Variants in TRMT11 observed in about 807,000 individuals in gnomAD.
The protein encoded by TRMT11 is tRNA (guanine(10)-N(2))-methyltransferase TRMT11.
TRMT11 carries 53 observed loss-of-function variants against 62.8 expected under a neutral mutation model. That is an observed-to-expected ratio of 0.84 (90% confidence interval 0.68 to 1.06). The LOEUF (loss-of-function observed/expected upper bound fraction) is 1.06. Ranked by LOEUF, TRMT11 falls within the 50% of genes least tolerant of loss-of-function variation. The probability of loss-of-function intolerance (pLI) is 0.00; values close to 1 mark genes in which losing one functional copy is unlikely to be tolerated. For synonymous variants in TRMT11, 188 were observed against 190.3 expected (o/e 0.99, Z 0.10); for missense variants, 556 against 553.4 (o/e 1.00, Z -0.05).
At chr6:126,048,195 T>C (rs1453372085) in intron 16 of TRMT11, among the ~76,000 whole-genome samples, 1 of 152,228 alleles carries the variant, frequency 6.6e-6, no homozygotes, top group Non-Finnish European at 1.5e-5. Flanking sequence ...CTTCTTTCAC[T>C]GATAGATTGG....
chr6:126,121,787 T>G lies in TRMT11; in HGVS notation c.*1823+5932T>G, dbSNP rs186359053. On this transcript the variant is annotated intron_variant and NMD_transcript_variant, in intron 21 of 22. Transcript: ENST00000648977. Reference sequence around the variant, plus strand: ...AAAGTCAGGGTTATATCCCCTAGACTTTGCAGGGTAGTTAATTTCTGGGTC... The same window carrying G: ...AAAGTCAGGGTTATATCCCCTAGACGTTGCAGGGTAGTTAATTTCTGGGTC... Among the ~76,000 whole-genome samples, 8 of 152,210 alleles carry G rather than the reference T, an allele frequency of 5.3e-5. No homozygotes were observed. In the East Asian group the frequency reaches 1.6e-3, roughly 30 times the overall value.
intron 12 of TRMT11, 73 bp from the exon 13 acceptor site, chr6:126,038,632 A>C (rs1311803038): frequency 7.3e-7 from 1 of 1,361,184 alleles, no homozygotes; most frequent in East Asian, 2.5e-5. Context: ...GATTTTGCTT[A>C]AGGTAAACAA....
intron 21 of TRMT11, among the ~76,000 whole-genome samples, chr6:126,137,616 G>C (rs936516133): frequency 5.3e-5 from 8 of 151,702 alleles, no homozygotes; most frequent in African/African-American, 1.9e-4. Flanking sequence ...TCCATTGCTG[G>C]GTATATGTCC....
intron 21 of TRMT11, among the ~76,000 whole-genome samples, chr6:126,153,640 C>G (rs1778083965): frequency 6.6e-6 from 1 of 152,168 alleles, no homozygotes; most frequent in Admixed American, 6.5e-5. Flanking sequence ...CTGGGTTAAT[C>G]TCTTAGTTGC....
chr6:126,253,673 T>A, the TRMT11 span, among the ~76,000 whole-genome samples: 1 of 152,198 alleles, frequency 6.6e-6, no homozygotes, highest in South Asian at 2.1e-4. Context: ...TCGTCATATA[T>A]GCAGTCTGTT....
At chr6:126,159,153 G>A (rs1562336758) in intron 21 of TRMT11, among the ~76,000 whole-genome samples, 1 of 152,002 alleles carries the variant, frequency 6.6e-6, no homozygotes, top group African/African-American at 2.4e-5. Flanking sequence ...TGATGTGACC[G>A]TGTAACTAAT....
chr6:126,248,522 C>T, the TRMT11 span, among the ~76,000 whole-genome samples: 2 of 152,144 alleles, frequency 1.3e-5, no homozygotes, highest in East Asian at 1.9e-4. Flanking sequence ...ACAAAGTCAC[C>T]TTTCAGTGAG....
At chr6:126,037,252 A>G (rs1224237582) in intron 12 of TRMT11, among the ~76,000 whole-genome samples, 1 of 151,712 alleles carries the variant, frequency 6.6e-6, no homozygotes, top group Non-Finnish European at 1.5e-5. Flanking sequence ...TTGGACCTGT[A>G]CTCTTAAGTA....
chr6:126,109,623 A>G (rs1777507762), intron 17 of TRMT11, among the ~76,000 whole-genome samples: 1 of 152,206 alleles, frequency 6.6e-6, no homozygotes, highest in Non-Finnish European at 1.5e-5. Context: ...TTTCCTCAGA[A>G]TTGGGTTCAA....
chr6:126,214,309 G>A, the TRMT11 span, among the ~76,000 whole-genome samples: 1 of 151,938 alleles, frequency 6.6e-6, no homozygotes, highest in East Asian at 1.9e-4. Context: ...ATGTAGAATT[G>A]GTATTAGTTT....
In TRMT11 at chr6:125,995,972, A is replaced by G. The variant is rs749657628; in HGVS notation, c.144A>G (p.Pro48=). The G allele has an allele frequency of 3.6e-5, 57 of 1,604,760 alleles. No individual in the cohort carries two copies. The highest frequency in any genetic ancestry group is 4.7e-5 in the Non-Finnish European group (55 of 1,171,714). The change falls in exon 3 of 13, where the codon CCA becomes CCG. Residue 48 remains proline (P), a synonymous_variant. Transcript: ENST00000334379. ...CATATTGTTATTTCTTTTAGTCACC[A>G]TTTTGGATTCTTAGCATTCCCTCTG... The part of the protein sequence containing the change: ...ASSQETYGKS[P]FWILSIPSED...
At chr6:126,100,167 C>T (rs774056027) in intron 17 of TRMT11, among the ~76,000 whole-genome samples, 5 of 152,010 alleles carry the variant, frequency 3.3e-5, no homozygotes, top group Admixed American at 6.6e-5. Flanking sequence ...AGGAAGGAGA[C>T]GTGGAGGACC....
downstream of TRMT11, among the ~76,000 whole-genome samples, chr6:126,205,729 A>ATCTTT (rs1778782774): frequency 6.6e-6 from 1 of 151,986 alleles, no homozygotes; most frequent in Admixed American, 6.6e-5. Flanking sequence ...TTTCTTGTGT[A>ATCTTT]TTCTTATCTC....
chr6:126,061,326 A>T (rs978671796), intron 17 of TRMT11, among the ~76,000 whole-genome samples: 2 of 152,208 alleles, frequency 1.3e-5, no homozygotes, highest in African/African-American at 4.8e-5. Context: ...TGCTACAGCT[A>T]TTGTCTGCTG....
chr6:126,237,164 G>A, the TRMT11 span, among the ~76,000 whole-genome samples: 1 of 152,044 alleles, frequency 6.6e-6, no homozygotes, highest in Non-Finnish European at 1.5e-5. Context: ...GTTTCCTAGA[G>A]CCTTTCCGGG....
At chr6:125,991,159 T>A (rs868524094) in intron 1 of TRMT11, among the ~76,000 whole-genome samples, 1 of 150,800 alleles carries the variant, frequency 6.6e-6, no homozygotes, top group African/African-American at 2.4e-5. Flanking sequence ...GGCAGGAGAA[T>A]CGCATGAACC....
chr6:126,076,138 C>T (rs961139171), intron 17 of TRMT11, among the ~76,000 whole-genome samples: 3 of 152,114 alleles, frequency 2.0e-5, no homozygotes, highest in African/African-American at 7.2e-5. Flanking sequence ...TAGGGAGAAA[C>T]AGGATACAAG....
At chr6:126,255,055 A>T in the TRMT11 span, among the ~76,000 whole-genome samples, 1 of 152,132 alleles carries the variant, frequency 6.6e-6, no homozygotes, top group Admixed American at 6.5e-5. Flanking sequence ...AAACTAAAGG[A>T]TGCTTTTTTC....
intron 17 of TRMT11, among the ~76,000 whole-genome samples, chr6:126,085,843 T>C (rs920465818): frequency 6.6e-6 from 1 of 152,234 alleles, no homozygotes; most frequent in Admixed American, 6.6e-5. Flanking sequence ...GGCGATGATG[T>C]GTCAATGTAG....
Sources: gnomAD v4.1 joint callset for allele counts (sites outside exome capture counted in the v4.1 genomes callset) on GRCh38, gnomAD v4.1.1 for gene constraint, MANE v1.5 for transcripts, NCBI Gene and HGNC (gene_info 2026-07-23, HGNC 2026-07-21) for gene names.